Variants in GARS1 observed in about 807,000 individuals in gnomAD.
GARS1 encodes glycine--tRNA ligase.
A neutral mutation model predicts 86.4 loss-of-function variants in GARS1; 46 were observed. The ratio of observed to expected loss-of-function variants is 0.53; its 90% confidence interval spans 0.42 to 0.68. The LOEUF (loss-of-function observed/expected upper bound fraction) is 0.68, where lower values mean the gene tolerates loss of function less well. GARS1 is among the 30% of genes least tolerant of loss of function. The pLI is 0.00. For missense variants in GARS1, 797 were observed against 915.6 expected, an observed-to-expected ratio of 0.87 and a Z score of 1.67; for synonymous variants, 342 against 329.8, an observed-to-expected ratio of 1.04 and a Z score of -0.40.
intron 14 of GARS1, among the ~76,000 whole-genome samples, chr7:30,629,901 A>G (rs890145118): frequency 6.6e-6 from 1 of 152,246 alleles, no homozygotes; most frequent in Non-Finnish European, 1.5e-5. Flanking sequence ...TATTTTTCTA[A>G]TAAAAAGGTT....
intron 10 of GARS1, among the ~76,000 whole-genome samples, chr7:30,618,632 TCAAA>T (rs1782935730): frequency 6.6e-6 from 1 of 152,176 alleles, no homozygotes; most frequent in South Asian, 2.1e-4. Context: ...AGGCCCTGTC[TCAAA>T]CAAACAGACG....
Position 30,631,437 on chromosome 7 carries a change from A to T in GARS1, c.1810-11A>T, listed in dbSNP as rs1198223804. The T allele has an allele frequency of 6.2e-7, 1 of 1,605,644 alleles. No homozygotes were observed. Among genetic ancestry groups the T allele is most frequent in the Admixed American group, 1.7e-5 (1 of 59,988 alleles). On this transcript the variant is annotated splice_polypyrimidine_tract_variant and intron_variant, in intron 14 of 16. Coordinates refer to ENST00000389266, the MANE Select transcript of GARS1 (RefSeq NM_002047.4). ...AACATATTTGGATTTTTTTCTTTTTAAATCATCCAGTTCTTCAGTTTCCCT... is the reference window on the plus strand; with the variant it reads ...AACATATTTGGATTTTTTTCTTTTTTAATCATCCAGTTCTTCAGTTTCCCT...
intron 1 of GARS1, among the ~76,000 whole-genome samples, chr7:30,596,817 A>G (rs1166308400): frequency 6.6e-6 from 1 of 152,236 alleles, no homozygotes; most frequent in Non-Finnish European, 1.5e-5. Flanking sequence ...TAATTTAAAG[A>G]TGATCTAATT....
chr7:30,628,522 T>C, intron 13 of GARS1, 38 bp from the exon 14 acceptor site: 1 of 1,400,458 alleles, frequency 7.1e-7, no homozygotes, highest in Non-Finnish European at 1.0e-6. Context: ...TTATGTGGTA[T>C]TTGAGAGAAT....
intron 3 of GARS1, 111 bp downstream of exon 3, chr7:30,600,160 C>A: frequency 1.3e-6 from 1 of 794,146 alleles, no homozygotes; most frequent in Non-Finnish European, 2.2e-6. Context: ...GGCCACAAAG[C>A]AGAGGATGGA....
intron 8 of GARS1, among the ~76,000 whole-genome samples, chr7:30,613,938 T>C (rs1782832677): frequency 6.6e-6 from 1 of 152,232 alleles, no homozygotes; most frequent in Non-Finnish European, 1.5e-5. Context: ...AGATTGTTCA[T>C]ATGAAGATTT....
intron 3 of GARS1, 104 bp downstream of exon 3, chr7:30,600,153 C>G (rs1791344255): frequency 7.2e-6 from 6 of 834,378 alleles, no homozygotes; most frequent in Admixed American, 3.8e-5. Context: ...TGTATCAGGC[C>G]ACAAAGCAGA....
intron 2 of GARS1, 98 bp downstream of exon 2, chr7:30,598,995 A>G (rs1046712390): frequency 1.4e-5 from 13 of 932,094 alleles, no homozygotes; most frequent in Non-Finnish European, 2.1e-5. Flanking sequence ...TTTCTGAACA[A>G]GTATCATTTG....
At chr7:30,616,151 T>C in intron 9 of GARS1, 93 bp downstream of exon 9, 1 of 1,406,198 alleles carries the variant, frequency 7.1e-7, no homozygotes, top group Non-Finnish European at 1.0e-6. Context: ...CAAGATATTT[T>C]ATTTTGGCAG....
rs749989206 is a variant in GARS1 at position 30,603,017 on chromosome 7, G to A, written c.570-17G>A. On this transcript the variant is annotated splice_polypyrimidine_tract_variant and intron_variant, in intron 4 of 16. Coordinates refer to ENST00000389266, the MANE Select transcript of GARS1 (RefSeq NM_002047.4). ...TTGTATGAGAATGACAAATTGGGTT[G>A]GCATTTGTTAATTTAGGACCTCTGG... The A allele has an allele frequency of 1.3e-6, 2 of 1,569,816 alleles. No individual in the cohort carries two copies. The highest frequency in any genetic ancestry group is 2.2e-5 in the South Asian group (2 of 90,100).
At chr7:30,615,226 AC>A (rs1782868486) in intron 8 of GARS1, among the ~76,000 whole-genome samples, 1 of 152,208 alleles carries the variant, frequency 6.6e-6, no homozygotes, top group Non-Finnish European at 1.5e-5. Flanking sequence ...AAAGAAACCA[AC>A]TGTATGATGC....
In GARS1 at chr7:30,594,958, C is replaced by T. The variant is rs1467460367; in HGVS notation, c.37C>T (p.Arg13Cys). Residue 13 changes from arginine (R) to cysteine (C), a missense_variant, in exon 1 of 17, where the codon CGC becomes TGC. This residue lies in a region of GARS1 where 199 missense variants were observed against 176.9 expected (regional missense o/e 1.12). Coordinates refer to ENST00000389266, the MANE Select transcript of GARS1 (RefSeq NM_002047.4). ...SPRPVLLRGA[R>C]AALLLLLPPR... ...GCGTCCAGTGCTGCTTAGAGGTGCT[C>T]GCGCCGCTCTGCTGCTGCTGCTGCC... The T allele has an allele frequency of 2.5e-6, 4 of 1,595,772 alleles. No homozygotes were observed. The highest frequency in any genetic ancestry group is 3.4e-6 in the Non-Finnish European group (4 of 1,178,236).
In GARS1 at chr7:30,632,713, A is replaced by C. The variant is rs1562784462; in HGVS notation, c.2094+276A>C. On this transcript the variant is annotated intron_variant, in intron 16 of 16. Transcript: ENST00000389266. This position sits in a 1 kb window ranked among gnomAD's most constrained non-coding sequence, Gnocchi z 4.1. Reference sequence around the variant, plus strand: ...TATACTTGTTTGTTTATTGGGCAAGAGAAATATGATCCTAAGAATTTGTTG... The same window carrying C: ...TATACTTGTTTGTTTATTGGGCAAGCGAAATATGATCCTAAGAATTTGTTG... Among the ~76,000 whole-genome samples, 1 of 152,192 alleles carries C rather than the reference A, an allele frequency of 6.6e-6. No homozygotes were observed. Among genetic ancestry groups the C allele is most frequent in the African/African-American group, 2.4e-5 (1 of 41,430 alleles).
At chr7:30,596,573 A>T (rs946773401) in intron 1 of GARS1, among the ~76,000 whole-genome samples, 1 of 152,184 alleles carries the variant, frequency 6.6e-6, no homozygotes, top group Non-Finnish European at 1.5e-5. Context: ...TAGTTAAGAC[A>T]GGATCTAGTT....
chr7:30,608,440 T>C (rs943311777), intron 6 of GARS1, among the ~76,000 whole-genome samples: 1 of 152,206 alleles, frequency 6.6e-6, no homozygotes, highest in Non-Finnish European at 1.5e-5. Context: ...TACCCGTGTC[T>C]TGAAGTTCAC....
intron 4 of GARS1, among the ~76,000 whole-genome samples, chr7:30,602,153 A>G (rs1019632491): frequency 6.6e-6 from 1 of 150,848 alleles, no homozygotes; most frequent in African/African-American, 2.4e-5. Context: ...CAGTGGGGCG[A>G]TCTCTGCTCA....
chr7:30,596,235 A>G (rs1195045512), intron 1 of GARS1, among the ~76,000 whole-genome samples: 3 of 152,200 alleles, frequency 2.0e-5, no homozygotes, highest in Non-Finnish European at 4.4e-5. Flanking sequence ...AAATTCAGCC[A>G]CTTTGCCATC....
At position 30,595,150 on chromosome 7, in the gene GARS1, G is replaced by A. The variant is rs1366191016; in HGVS notation, c.222+7G>A. ...GCTAGCAGTGCGCCAGCAGGTACCG[G>A]TGTTTTGCGCTCTCCGCTAAGCCTC... On this transcript the variant is annotated splice_region_variant and intron_variant, in intron 1 of 16. Transcript: ENST00000389266. 5 of 1,536,318 alleles carry A rather than the reference G, an allele frequency of 3.3e-6. No individual in the cohort carries two copies. The highest frequency in any genetic ancestry group is 1.2e-5 in the South Asian group (1 of 84,062).
intron 14 of GARS1, among the ~76,000 whole-genome samples, chr7:30,630,879 T>G (rs768894331): frequency 6.6e-6 from 1 of 152,196 alleles, no homozygotes; most frequent in Non-Finnish European, 1.5e-5. Flanking sequence ...AGGCTGTACT[T>G]TTTAGTGTAG....
Sources: allele counts gnomAD v4.1 joint callset (sites outside exome capture counted in the v4.1 genomes callset), GRCh38; gene constraint gnomAD v4.1.1; regional missense constraint gnomAD v4.1.1; non-coding constraint Gnocchi (gnomAD v3.1); transcripts MANE v1.5; gene names NCBI Gene and HGNC (gene_info 2026-07-23, HGNC 2026-07-21).